TRRAP: variants seen among roughly 807,000 people sequenced by gnomAD.
TRRAP encodes transformation/transcription domain-associated protein.
Under a neutral mutation model 438.8 loss-of-function variants are expected in TRRAP, and 41 were observed. The ratio of observed to expected loss-of-function variants is 0.09; its 90% CI spans 0.07 to 0.12. The LOEUF (loss-of-function observed/expected upper bound fraction) is 0.12, where lower values mean the gene tolerates loss of function less well. Among genes scored for constraint, TRRAP ranks in the 10% least tolerant of loss-of-function variants. TRRAP has a pLI of 1.00. For synonymous variants in TRRAP, 1,994 were observed against 1,962.9 expected, an observed-to-expected ratio of 1.02 and a Z score of -0.42; for missense variants, 3,122 against 5,055.1, an observed-to-expected ratio of 0.62 and a Z score of 11.60.
At chr7:98,929,365 T>G (rs1183950318) in intron 23 of TRRAP, among the ~76,000 whole-genome samples, 1 of 152,206 alleles carries the variant, frequency 6.6e-6, no homozygotes, top group African/African-American at 2.4e-5. Flanking sequence ...TGGGCTTATT[T>G]AATTGTAAAA....
At chr7:98,883,877 C>G (rs1363066180) in intron 3 of TRRAP, among the ~76,000 whole-genome samples, 1 of 152,178 alleles carries the variant, frequency 6.6e-6, no homozygotes, top group Non-Finnish European at 1.5e-5. Context: ...ACTCTAGATC[C>G]TATTATCTCC....
intron 19 of TRRAP, 34 bp downstream of exon 19, chr7:98,915,922 TGTG>T: frequency 6.2e-7 from 1 of 1,612,384 alleles, no homozygotes; most frequent in Non-Finnish European, 8.5e-7. Flanking sequence ...CTTTTAGTCT[TGTG>T]TGTCATGTAG....
rs990306674 is a variant in TRRAP, at chr7:98,943,514, C to T, written c.4473+497C>T. On this transcript the variant is annotated intron_variant, in intron 31 of 72. Transcript: ENST00000456197. ...AAAAGGAATCCCATAAATACTGGCA[C>T]GTGTGTTTTCAAGGTCTGCGTCATC... 6.6e-5 allele frequency among the ~76,000 whole-genome samples: 10 copies of T among 152,250 alleles called. No homozygotes were observed. The East Asian group carries it at 1.9e-3, about 29-fold the overall frequency.
rs1300491587 is a variant in TRRAP at position 98,981,937 on chromosome 7, C to T, written c.8803C>T (p.His2935Tyr). The change falls in exon 59 of 73, where the codon CAC becomes TAC. Residue 2935 changes from histidine to tyrosine, a missense_variant. His to Tyr is a moderately conservative substitution (Grantham distance 83). Around this residue, in one of 24 missense-constraint regions of TRRAP, gnomAD observed 992 missense variants for 1,281.2 expected, o/e 0.77. Transcript: ENST00000456197. ...GCGGCGGCTGCCCCACGTAGTGTCC[C>T]ACGTGCACACGCCTCTCCTACAGGT... Reference protein sequence around the residue: ...EWRRLPHVVSHVHTPLLQAAQ... With the variant: ...EWRRLPHVVSYVHTPLLQAAQ... 2 of 1,603,070 alleles carry T rather than the reference C, an allele frequency of 1.2e-6. No individual in the cohort carries two copies. The highest frequency in any genetic ancestry group is 1.7e-6 in the Non-Finnish European group (2 of 1,176,340).
At chr7:98,964,122 A>G (rs1006280193) in intron 47 of TRRAP, among the ~76,000 whole-genome samples, 3 of 151,946 alleles carry the variant, frequency 2.0e-5, no homozygotes, top group South Asian at 4.2e-4. Flanking sequence ...GGTTGAAATC[A>G]AGGTGATTGT....
intron 47 of TRRAP, 139 bp downstream of exon 47, chr7:98,962,566 C>A (rs1394129148): frequency 6.6e-7 from 1 of 1,505,308 alleles, no homozygotes; most frequent in South Asian, 1.3e-5. Context: ...GTGTCTGTTG[C>A]CTGGGGCCCT....
intron 63 of TRRAP, among the ~76,000 whole-genome samples, chr7:98,989,231 C>G (rs764569147): frequency 2.0e-5 from 3 of 152,246 alleles, no homozygotes; most frequent in Non-Finnish European, 4.4e-5. Context: ...TGTGGGAGCT[C>G]ACACGAAACA....
At chr7:98,997,442 T>TAGGTA (rs1318321208) in intron 67 of TRRAP, among the ~76,000 whole-genome samples, 1 of 105,742 alleles carries the variant, frequency 9.5e-6, no homozygotes, top group Admixed American at 1.3e-4. Context: ...GAAAAAGGAG[T>TAGGTA]AGGTATCAGT....
Position 98,950,184 on chromosome 7 carries a change from C to G in TRRAP, c.5256C>G (p.Ser1752Arg). ...AGGAAGAGATTCCCAAAAATTACAGCATCGCTCAGAAACGTGCCCTGTTCT... is the reference window on the plus strand; with the variant it reads ...AGGAAGAGATTCCCAAAAATTACAGGATCGCTCAGAAACGTGCCCTGTTCT... Reference protein sequence around the residue: ...YMEEEIPKNYSIAQKRALFFR... With the variant: ...YMEEEIPKNYRIAQKRALFFR... Residue 1752 changes from serine to arginine, a missense_variant, in exon 38 of 73, where the codon AGC becomes AGG. Ser to Arg is a moderately radical substitution (Grantham distance 110). Around this residue, in one of 24 missense-constraint regions of TRRAP, gnomAD observed 272 missense variants for 348.5 expected, o/e 0.78. Transcript: ENST00000456197. 2 of 1,614,218 alleles carry G rather than the reference C, an allele frequency of 1.2e-6. No individual in the cohort carries two copies. The highest frequency in any genetic ancestry group is 4.5e-5 in the East Asian group (2 of 44,884).
intron 46 of TRRAP, among the ~76,000 whole-genome samples, chr7:98,961,980 T>C (rs1424605052): frequency 2.6e-5 from 4 of 152,222 alleles, no homozygotes; most frequent in Non-Finnish European, 5.9e-5. Flanking sequence ...ATTCAGTTCT[T>C]CATCAGTTGA....
chr7:98,879,459 C>G (rs1025534541), intron 1 of TRRAP, among the ~76,000 whole-genome samples: 1 of 149,016 alleles, frequency 6.7e-6, no homozygotes, highest in East Asian at 2.0e-4. Context: ...CTTGGGTACC[C>G]TGGGATGGGG....
At chr7:98,969,097 G>T (rs1422698767) in intron 51 of TRRAP, among the ~76,000 whole-genome samples, 3 of 152,228 alleles carry the variant, frequency 2.0e-5, no homozygotes, top group Non-Finnish European at 4.4e-5. Flanking sequence ...TCATTAGGAC[G>T]ATGGAACCAT....
chr7:98,988,977 A>G lies in TRRAP; in HGVS notation c.9591+11A>G, dbSNP rs1480604841. ...AAATACTTAGCCAAGGTGAGACCGA[A>G]AAAACGAGCTTTGACCAGAGGCCAT... On this transcript the variant is annotated intron_variant, in intron 63 of 72. Transcript: ENST00000456197. 4 of 1,609,826 alleles carry G rather than the reference A, an allele frequency of 2.5e-6. No homozygotes were observed. The highest frequency in any genetic ancestry group is 1.6e-4 in the Middle Eastern group (1 of 6,074).
At chr7:98,910,752 C>T in intron 16 of TRRAP, 145 bp downstream of exon 16, 1 of 707,674 alleles carries the variant, frequency 1.4e-6, no homozygotes, top group South Asian at 2.1e-5. Flanking sequence ...TGTTCCACAA[C>T]ATAGCACTGC....
chr7:98,967,679 G>T lies in TRRAP; in HGVS notation c.7493G>T (p.Trp2498Leu). The T allele has an allele frequency of 6.2e-7, 1 of 1,613,834 alleles. No homozygotes were observed. Among genetic ancestry groups the T allele is most frequent in the Non-Finnish European group, 8.5e-7 (1 of 1,180,026 alleles). ...TGGGAAGCCATGGGGAACCACTTCT[G>T]GATCAAGCAGTGCATTGAGGTAGGA... The part of the protein sequence containing the change: ...QNWEAMGNHF[W>L]IKQCIELLLA... Residue 2498 changes from tryptophan to leucine, a missense_variant, in exon 51 of 73, where the codon TGG becomes TTG. Transcript: ENST00000456197.
chr7:98,931,043 C>T (rs1790300102), intron 25 of TRRAP, among the ~76,000 whole-genome samples: 1 of 152,174 alleles, frequency 6.6e-6, no homozygotes, highest in Non-Finnish European at 1.5e-5. Context: ...TGATAAAGAA[C>T]AGTTACAGGC....
At chr7:98,924,809 C>T (rs1789966332) in intron 21 of TRRAP, among the ~76,000 whole-genome samples, 1 of 151,354 alleles carries the variant, frequency 6.6e-6, no homozygotes, top group Non-Finnish European at 1.5e-5. Context: ...CGAGACCATC[C>T]TGGCTAACAC....
In TRRAP at chr7:98,990,484, C is replaced by T; in HGVS notation, c.9621C>T (p.Asp3207=). The change falls in exon 64 of 73, where the codon GAC becomes GAT. Residue 3207 remains aspartate, a synonymous_variant. Coordinates refer to ENST00000456197, the MANE Select transcript of TRRAP (RefSeq NM_001375524.1). ...TGTGGCTTTTGAGTTTTGATGATGA[C>T]AAAAACACTTTGGCAGATGCCGTCG... ...KVLWLLSFDD[D]KNTLADAVDK... 1 of 1,613,656 alleles carries T rather than the reference C, an allele frequency of 6.2e-7. No individual in the cohort carries two copies. The highest frequency in any genetic ancestry group is 8.5e-7 in the Non-Finnish European group (1 of 1,179,572).
chr7:98,956,763 G>A lies in TRRAP; in HGVS notation c.6231+230G>A, dbSNP rs1470196448. Reference sequence around the variant, plus strand: ...CAGTTCATACCATTAAAGTTCTGTTGATGATGGTTGATTACTTGCAGAAAG... The same window carrying A: ...CAGTTCATACCATTAAAGTTCTGTTAATGATGGTTGATTACTTGCAGAAAG... On this transcript the variant is annotated intron_variant, in intron 43 of 72. Transcript: ENST00000456197. The surrounding 1 kb of genome is among the most constrained non-coding windows in gnomAD (Gnocchi z 4.5). 6.6e-6 allele frequency among the ~76,000 whole-genome samples: 1 copy of A among 152,178 alleles called. No individual in the cohort carries two copies. Among genetic ancestry groups the A allele is most frequent in the Non-Finnish European group, 1.5e-5 (1 of 68,034 alleles).
Sources: allele counts gnomAD v4.1 joint callset (sites outside exome capture counted in the v4.1 genomes callset), GRCh38; gene constraint gnomAD v4.1.1; regional missense constraint gnomAD v4.1.1; non-coding constraint Gnocchi (gnomAD v3.1); transcripts MANE v1.5; gene names NCBI Gene and HGNC (gene_info 2026-07-23, HGNC 2026-07-21).